RLF: variants seen among roughly 807,000 people sequenced by gnomAD.
The protein encoded by RLF is zinc finger protein Rlf.
RLF carries 7 observed loss-of-function variants against 162.9 expected under a neutral mutation model. The ratio of observed to expected loss-of-function variants is 0.04; its 90% CI spans 0.02 to 0.08. The LOEUF is 0.08. Among genes scored for constraint, RLF ranks in the 10% least tolerant of loss-of-function variants. The pLI, the probability that RLF is intolerant of heterozygous loss-of-function variation, is 1.00. For synonymous variants in RLF, 782 were observed against 791.5 expected (o/e 0.99, Z 0.20); for missense variants, 1,664 against 2,244.7 (o/e 0.74, Z 5.23).
intron 4 of RLF, among the ~76,000 whole-genome samples, chr1:40,200,928 A>G (rs1395271404): frequency 1.6e-5 from 2 of 122,022 alleles, no homozygotes; most frequent in Non-Finnish European, 3.3e-5. Context: ...ACACACACAC[A>G]CACACACACA....
At chr1:40,171,947 A>G (rs907285880) in intron 1 of RLF, among the ~76,000 whole-genome samples, 1 of 152,114 alleles carries the variant, frequency 6.6e-6, no homozygotes, top group Non-Finnish European at 1.5e-5. Context: ...ATTTTTCTGT[A>G]TGATGTGTAC....
intron 5 of RLF, among the ~76,000 whole-genome samples, chr1:40,217,504 G>T (rs1642939873): frequency 6.6e-6 from 1 of 151,952 alleles, no homozygotes; most frequent in African/African-American, 2.4e-5. Flanking sequence ...GGGTGCAGTG[G>T]CTCACTCCAG....
At chr1:40,221,194 G>A (rs1054147510) in intron 5 of RLF, among the ~76,000 whole-genome samples, 2 of 151,820 alleles carry the variant, frequency 1.3e-5, no homozygotes, top group Middle Eastern at 3.4e-3. Context: ...GTTGGCCCAA[G>A]GCAGAATAAA....
chr1:40,201,350 G>C (rs557473847), intron 4 of RLF, among the ~76,000 whole-genome samples: 3 of 151,764 alleles, frequency 2.0e-5, no homozygotes, highest in Non-Finnish European at 4.4e-5. Context: ...GCTCGGCCGG[G>C]TGCGGTGGCT....
chr1:40,228,258 C>T (rs1182302887), intron 6 of RLF, among the ~76,000 whole-genome samples: 1 of 151,074 alleles, frequency 6.6e-6, no homozygotes, highest in Non-Finnish European at 1.5e-5. Context: ...TGCATTCGAG[C>T]CTGGGCAACA....
intron 1 of RLF, among the ~76,000 whole-genome samples, chr1:40,188,664 T>G (rs1479703149): frequency 2.0e-5 from 3 of 152,016 alleles, no homozygotes; most frequent in Admixed American, 6.6e-5. Context: ...GAGAGTCATA[T>G]TCAGGAATAA....
At chr1:40,222,474 G>A in intron 5 of RLF, 100 bp from the exon 6 acceptor site, 1 of 1,019,790 alleles carries the variant, frequency 9.8e-7, no homozygotes, top group Non-Finnish European at 1.4e-6. Context: ...AGAAAATTAT[G>A]TCTCTAATTT....
At chr1:40,228,874 C>T (rs562143685) in intron 6 of RLF, among the ~76,000 whole-genome samples, 8 of 152,292 alleles carry the variant, frequency 5.3e-5, no homozygotes, top group Non-Finnish European at 1.2e-4. Flanking sequence ...CTTACTGCAG[C>T]CTTAAATCCT....
intron 5 of RLF, among the ~76,000 whole-genome samples, chr1:40,207,759 C>T (rs752141273): frequency 1.3e-5 from 2 of 152,070 alleles, no homozygotes; most frequent in Non-Finnish European, 2.9e-5. Context: ...TGCAGACGTG[C>T]GCCACTACAC....
chr1:40,169,069 A>ACAAT (rs1213788761), intron 1 of RLF, among the ~76,000 whole-genome samples: 12 of 152,212 alleles, frequency 7.9e-5, no homozygotes, highest in Non-Finnish European at 1.3e-4. Context: ...AGGCCAACAT[A>ACAAT]CAATCCATTA....
intron 5 of RLF, among the ~76,000 whole-genome samples, chr1:40,211,053 A>G (rs990541670): frequency 7.2e-5 from 11 of 152,242 alleles, no homozygotes; most frequent in Non-Finnish European, 1.0e-4. Flanking sequence ...AAAGTCTTAC[A>G]TTCATTTCTT....
At chr1:40,209,833 T>A (rs1412467669) in intron 5 of RLF, among the ~76,000 whole-genome samples, 1 of 149,976 alleles carries the variant, frequency 6.7e-6, no homozygotes, top group East Asian at 2.0e-4. Flanking sequence ...GCCAGGATCG[T>A]GCCATTTGCA....
intron 1 of RLF, among the ~76,000 whole-genome samples, chr1:40,167,742 C>G (rs1179104614): frequency 6.7e-6 from 1 of 149,380 alleles, no homozygotes; most frequent in Non-Finnish European, 1.5e-5. Context: ...CTTGTATGTC[C>G]GTCTCCCCAA....
At chr1:40,221,100 C>T (rs926908213) in intron 5 of RLF, among the ~76,000 whole-genome samples, 10 of 151,768 alleles carry the variant, frequency 6.6e-5, no homozygotes, top group African/African-American at 2.2e-4. Context: ...CCTAACTGCA[C>T]TGCAGCCTTG....
chr1:40,221,570 G>A (rs188331731), intron 5 of RLF, among the ~76,000 whole-genome samples: 100 of 151,982 alleles, frequency 6.6e-4, no homozygotes, highest in South Asian at 2.9e-3. Flanking sequence ...GTAGCGCACT[G>A]GAGGAGTTGA....
intron 1 of RLF, among the ~76,000 whole-genome samples, chr1:40,180,888 A>AT (rs1053409898): frequency 5.7e-4 from 86 of 152,184 alleles, no homozygotes; most frequent in African/African-American, 2.0e-3. Flanking sequence ...GAAGTTTTTA[A>AT]TTTTGATGAA....
intron 1 of RLF, among the ~76,000 whole-genome samples, chr1:40,178,500 A>G (rs1289432211): frequency 6.6e-6 from 1 of 152,130 alleles, no homozygotes; most frequent in East Asian, 1.9e-4. Context: ...ACAACAATGT[A>G]ACAATGTGAA....
chr1:40,231,383 T>C (rs1643149738), intron 6 of RLF, 134 bp from the exon 7 acceptor site: 1 of 679,730 alleles, frequency 1.5e-6, no homozygotes, highest in Non-Finnish European at 2.5e-6. Flanking sequence ...CAGTGGTGAA[T>C]ATAGACAGCT....
intron 1 of RLF, among the ~76,000 whole-genome samples, chr1:40,171,090 A>G (rs1051259589): frequency 1.3e-5 from 2 of 152,164 alleles, no homozygotes; most frequent in African/African-American, 2.4e-5. Flanking sequence ...GCAGTGGTAC[A>G]ATCTTAGCTT....
Sources: gnomAD v4.1 joint callset for allele counts (sites outside exome capture counted in the v4.1 genomes callset) on GRCh38, gnomAD v4.1.1 for gene constraint, MANE v1.5 for transcripts, NCBI Gene and HGNC (gene_info 2026-07-23, HGNC 2026-07-21) for gene names.